Variants in SETD2 observed in about 807,000 individuals in gnomAD.
SETD2 encodes histone-lysine N-methyltransferase SETD2.
In SETD2, 31 loss-of-function variants were observed where a neutral mutation model predicts 242.1. That is an observed-to-expected ratio of 0.13 (90% CI 0.10 to 0.17). SETD2 has a LOEUF of 0.17. Ranked by LOEUF, SETD2 falls within the 10% of genes least tolerant of loss-of-function variation. The pLI, the probability that SETD2 is intolerant of heterozygous loss-of-function variation, is 1.00. For synonymous variants in SETD2, 1,006 were observed against 1,066.5 expected (o/e 0.94, Z 1.11); for missense variants, 2,481 against 3,046.3 (o/e 0.81, Z 4.37).
intron 1 of SETD2, among the ~76,000 whole-genome samples, chr3:47,153,154 G>T (rs527485963): frequency 0.03 from 4,610 of 152,014 alleles, 231 homozygotes; most frequent in East Asian, 0.13. Context: ...ACCCAGTGAA[G>T]TGATTATCTA....
At chr3:47,042,333 G>A (rs2039318117) in intron 17 of SETD2, among the ~76,000 whole-genome samples, 1 of 152,236 alleles carries the variant, frequency 6.6e-6, no homozygotes, top group East Asian at 1.9e-4. Flanking sequence ...CTGTACTCCA[G>A]CCTGGGTGAC....
intron 1 of SETD2, 53 bp downstream of exon 1, chr3:47,163,801 G>A (rs1697582024): frequency 8.2e-7 from 1 of 1,220,224 alleles, no homozygotes; most frequent in East Asian, 3.4e-5. Context: ...CGCCGCCCTC[G>A]GCTGGGGATA....
intron 6 of SETD2, among the ~76,000 whole-genome samples, chr3:47,103,936 A>G (rs1476070237): frequency 6.6e-6 from 1 of 152,128 alleles, no homozygotes; most frequent in Non-Finnish European, 1.5e-5. Context: ...CTTATATTCT[A>G]TTACATCCTA....
chr3:47,055,425 G>A (rs2040013573), intron 15 of SETD2, among the ~76,000 whole-genome samples: 1 of 152,066 alleles, frequency 6.6e-6, no homozygotes, highest in Admixed American at 6.6e-5. Context: ...TGTACTGCTG[G>A]CCAGGCACAG....
chr3:47,096,680 A>G (rs4018905), intron 9 of SETD2, among the ~76,000 whole-genome samples: 98,837 of 151,464 alleles, frequency 0.65, 32,680 homozygotes, highest in African/African-American at 0.76. Flanking sequence ...CCAGGAGTTC[A>G]AGGCTGCAGT....
At position 47,059,108 on chromosome 3, in the gene SETD2, C is replaced by CTT. The variant is rs111615859; in HGVS notation, c.6294-1620_6294-1619dup. Among the ~76,000 whole-genome samples, 577 of 104,396 alleles carry CTT rather than the reference C, an allele frequency of 5.5e-3. 2 individuals carry two copies. Among genetic ancestry groups the CTT allele is most frequent in the Non-Finnish European group, 7.3e-3 (398 of 54,544 alleles). 68.5% of individuals were successfully genotyped at this position (104,396 alleles called of 152,430 possible). A position where few individuals can be genotyped will look rare whatever the true frequency, so the allele number is the denominator to read the frequency against. On this transcript the variant is annotated intron_variant, in intron 14 of 20. Transcript: ENST00000409792. ...ACAGGTGTGAGCCACCACGCCTGGC[C>CTT]TTTTTTTTTTTTTTTTTTTTTTTTT... is the stretch of plus-strand genomic sequence containing the variant.
chr3:47,127,993 T>TCACA (rs34240660), intron 1 of SETD2, among the ~76,000 whole-genome samples: 11 of 150,460 alleles, frequency 7.3e-5, no homozygotes, highest in African/African-American at 1.2e-4. Flanking sequence ...TCTCTCTCTC[T>TCACA]CACACACACA....
intron 9 of SETD2, among the ~76,000 whole-genome samples, chr3:47,090,564 G>GT (rs2107657215): frequency 6.6e-6 from 1 of 151,772 alleles, no homozygotes; most frequent in African/African-American, 2.4e-5. Context: ...CTAATTTTTT[G>GT]TATTTTTAGT....
At chr3:47,027,556 T>C (rs1167278878) in intron 18 of SETD2, among the ~76,000 whole-genome samples, 2 of 151,692 alleles carry the variant, frequency 1.3e-5, no homozygotes, top group Non-Finnish European at 2.9e-5. Context: ...AAACTTAAAG[T>C]ATAATAATAA....
At position 47,120,560 on chromosome 3, in the gene SETD2, G is replaced by C. The variant is rs1194922971; in HGVS notation, c.4076C>G (p.Ser1359Cys). Reference sequence around the variant, plus strand: ...CACTGACCCCTTGTCTTTCTGAAGGGATAGAAGAAATTTATCGGACTGGTC... The same window carrying C: ...CACTGACCCCTTGTCTTTCTGAAGGCATAGAAGAAATTTATCGGACTGGTC... ...FSDQSDKFLLSLQKDKGSVQA... is the reference protein window; with the variant it reads ...FSDQSDKFLLCLQKDKGSVQA... The change falls in exon 3 of 21, where the codon TCC becomes TGC. Residue 1359 changes from serine (S) to cysteine (C), a missense_variant. This residue lies in a region of SETD2 where 1,300 missense variants were observed against 1,259.2 expected (regional missense o/e 1.03). Coordinates refer to ENST00000409792, the MANE Select transcript of SETD2 (RefSeq NM_014159.7). 1 of 1,613,992 alleles carries C rather than the reference G, an allele frequency of 6.2e-7. No homozygotes were observed. Among genetic ancestry groups the C allele is most frequent in the Non-Finnish European group, 8.5e-7 (1 of 1,180,024 alleles).
rs374976472 is a variant in SETD2, at chr3:47,122,628, C to T, written c.2008G>A (p.Glu670Lys). Residue 670 changes from glutamate (E) to lysine (K), a missense_variant, in exon 3 of 21, where the codon GAA (glutamate) becomes AAA (lysine). Physicochemically the swap from Glu to Lys is moderately conservative, Grantham distance 56. This residue lies in a region of SETD2 where 1,300 missense variants were observed against 1,259.2 expected (regional missense o/e 1.03). Coordinates refer to ENST00000409792, the MANE Select transcript of SETD2 (RefSeq NM_014159.7). ...NDQLRSFCPI[E>K]LNINGSPGAE... ...CCAGGAGATCCATTTATATTTAATTCTATGGGACAAAAACTTCTTAATTGA... is the reference window on the plus strand; with the variant it reads ...CCAGGAGATCCATTTATATTTAATTTTATGGGACAAAAACTTCTTAATTGA... 458 of 1,613,702 alleles carry T rather than the reference C, an allele frequency of 2.8e-4. No homozygotes were observed. The highest frequency in any genetic ancestry group is 3.8e-4 in the Non-Finnish European group (446 of 1,179,792).
intron 3 of SETD2, among the ~76,000 whole-genome samples, 193 bp downstream of exon 3, chr3:47,119,989 G>A (rs370898516): frequency 6.6e-5 from 10 of 151,896 alleles, no homozygotes; most frequent in Non-Finnish European, 1.2e-4. Flanking sequence ...GGGATGGGGC[G>A]GCGGGGGGAA....
At chr3:47,137,041 TAC>T (rs2043604296) in intron 1 of SETD2, among the ~76,000 whole-genome samples, 1 of 152,128 alleles carries the variant, frequency 6.6e-6, no homozygotes, top group South Asian at 2.1e-4. Context: ...ACATGCAACA[TAC>T]ACGTGTAACA....
chr3:47,131,583 C>T (rs999205746), intron 1 of SETD2, among the ~76,000 whole-genome samples: 3 of 151,942 alleles, frequency 2.0e-5, no homozygotes, highest in Non-Finnish European at 2.9e-5. Flanking sequence ...CCTCGTGATC[C>T]GCCTGCCTCG....
chr3:47,082,563 T>A (rs1348824535), intron 12 of SETD2, among the ~76,000 whole-genome samples: 2 of 152,202 alleles, frequency 1.3e-5, no homozygotes, highest in Non-Finnish European at 2.9e-5. Flanking sequence ...ACTTCATAAG[T>A]AAATTTACTA....
chr3:47,105,644 G>T, intron 6 of SETD2: 1 of 444,258 alleles, frequency 2.3e-6, no homozygotes, highest in Admixed American at 2.5e-5. Flanking sequence ...GAAATCAGTC[G>T]GCAGGACACG....
At chr3:47,052,811 G>C (rs2039907199) in intron 15 of SETD2, among the ~76,000 whole-genome samples, 1 of 151,878 alleles carries the variant, frequency 6.6e-6, no homozygotes, top group African/African-American at 2.4e-5. Flanking sequence ...GCCAGACTCT[G>C]TCTCCAAAAA....
At position 47,017,220 on chromosome 3, in the gene SETD2, T is replaced by C; in HGVS notation, c.7568A>G (p.Tyr2523Cys). 6.2e-7 allele frequency: 1 copy of C among 1,614,202 alleles called. No homozygotes were observed. Among genetic ancestry groups the C allele is most frequent in the Non-Finnish European group, 8.5e-7 (1 of 1,180,040 alleles). ...THGVMNKELKYCKNPEDLECN... is the reference protein window; with the variant it reads ...THGVMNKELKCCKNPEDLECN... ...CTCCAGGTCCTCAGGATTCTTACAG[T>C]ACTTCAGCTCCTTATTCATAACACC... Residue 2523 changes from tyrosine to cysteine, a missense_variant, in exon 21 of 21, where the codon TAC (tyrosine) becomes TGC (cysteine). Tyr to Cys is a radical substitution (Grantham distance 194, BLOSUM62 -2). Around this residue, in one of 17 missense-constraint regions of SETD2, gnomAD observed 29 missense variants for 46.7 expected, o/e 0.62. Transcript: ENST00000409792. The surrounding 1 kb of genome is among the most constrained non-coding windows in gnomAD (Gnocchi z 4.8).
intron 9 of SETD2, 106 bp from the exon 10 acceptor site, chr3:47,088,353 A>C: frequency 1.8e-6 from 2 of 1,090,698 alleles, no homozygotes; most frequent in Non-Finnish European, 1.3e-6. Context: ...GAAAACACAA[A>C]TGAAGACCAA....
Sources: allele counts gnomAD v4.1 joint callset (sites outside exome capture counted in the v4.1 genomes callset), GRCh38; gene constraint gnomAD v4.1.1; regional missense constraint gnomAD v4.1.1; non-coding constraint Gnocchi (gnomAD v3.1); transcripts MANE v1.5; gene names NCBI Gene and HGNC (gene_info 2026-07-23, HGNC 2026-07-21).